Variants in ZYG11B observed in about 807,000 individuals in gnomAD.
ZYG11B encodes the protein protein zyg-11 homolog B.
A neutral mutation model predicts 82.4 loss-of-function variants in ZYG11B; 36 were observed. The ratio of observed to expected loss-of-function variants is 0.44; its 90% CI spans 0.33 to 0.58. The LOEUF (loss-of-function observed/expected upper bound fraction) is 0.58, where lower values mean the gene tolerates loss of function less well. ZYG11B is among the 20% of genes least tolerant of loss of function. The pLI, the probability that ZYG11B is intolerant of heterozygous loss-of-function variation, is 0.02. For missense variants in ZYG11B, 552 were observed against 895.6 expected, an observed-to-expected ratio of 0.62 and a Z score of 4.90; for synonymous variants, 303 against 312.8, an observed-to-expected ratio of 0.97 and a Z score of 0.33.
intron 1 of ZYG11B, among the ~76,000 whole-genome samples, chr1:52,749,697 G>A (rs1202825730): frequency 6.6e-6 from 1 of 151,690 alleles, no homozygotes; most frequent in African/African-American, 2.4e-5. Flanking sequence ...TCCGCCTCCC[G>A]GGTTGCCACC....
chr1:52,772,320 A>T lies in ZYG11B; in HGVS notation c.951+546A>T. The T allele has an allele frequency of 3.5e-6, 5 of 1,421,096 alleles. No homozygotes were observed. The Admixed American group carries it at 6.7e-5, about 19-fold the overall frequency. 88.0% of individuals were successfully genotyped at this position (1,421,096 alleles called of 1,614,324 possible). A position where few individuals can be genotyped will look rare whatever the true frequency, so the allele number is the denominator to read the frequency against. On this transcript the variant is annotated intron_variant, in intron 3 of 13. Coordinates refer to ENST00000294353, the MANE Select transcript of ZYG11B (RefSeq NM_024646.3). ...CTATCAGAATCAGATGGAATTTAGC[A>T]TCCTTATCCTTTCTGTTCCTCTCAA...
Position 52,776,229 on chromosome 1 carries a change from A to AAAAAAAAAAAAAAAAAAAATATATAT in ZYG11B, c.952-3623_952-3622insAAAAAAAAAAAAAAAAAATATATATA. ...AGCAAAACTCTGTCTTAAAAAAAAA[A>AAAAAAAAAAAAAAAAAAAATATATAT]ATATATATATATATATGCAATAAAG... On this transcript the variant is annotated intron_variant, in intron 3 of 13. Transcript: ENST00000294353. Among the ~76,000 whole-genome samples the AAAAAAAAAAAAAAAAAAAATATATAT allele has an allele frequency of 1.2e-3, 28 of 23,516 alleles. 1 individual carries two copies. Among genetic ancestry groups the AAAAAAAAAAAAAAAAAAAATATATAT allele is most frequent in the African/African-American group, 2.6e-3 (27 of 10,524 alleles). 15.4% of individuals were successfully genotyped at this position (23,516 alleles called of 152,430 possible).
intron 8 of ZYG11B, among the ~76,000 whole-genome samples, chr1:52,800,211 G>T (rs922246694): frequency 1.8e-4 from 27 of 150,866 alleles, no homozygotes; most frequent in Admixed American, 2.0e-4. Context: ...GGGAGTTCAA[G>T]TCTACAGCGA....
intron 3 of ZYG11B, among the ~76,000 whole-genome samples, chr1:52,776,219 T>TAAAAAAAA (rs1165031214): frequency 2.4e-4 from 10 of 42,498 alleles, no homozygotes; most frequent in Middle Eastern, 0.013. Flanking sequence ...AACTCTGTCT[T>TAAAAAAAA]AAAAAAAAAA....
intron 6 of ZYG11B, among the ~76,000 whole-genome samples, chr1:52,790,556 C>CT (rs2149950997): frequency 6.6e-6 from 1 of 151,976 alleles, no homozygotes; most frequent in Non-Finnish European, 1.5e-5. Context: ...CCTGTCTCTA[C>CT]TAAAGATACA....
At chr1:52,784,543 G>A (rs996953670) in intron 4 of ZYG11B, among the ~76,000 whole-genome samples, 10 of 152,156 alleles carry the variant, frequency 6.6e-5, no homozygotes, top group African/African-American at 1.9e-4. Context: ...AGAGTGGAGT[G>A]TGCTCTATTC....
At chr1:52,745,223 T>C (rs1644466015) in intron 1 of ZYG11B, among the ~76,000 whole-genome samples, 1 of 152,170 alleles carries the variant, frequency 6.6e-6, no homozygotes, top group Admixed American at 6.6e-5. Context: ...TACCTCTAGT[T>C]GAGTGTTGTG....
At chr1:52,813,013 G>T (rs982498070) in intron 10 of ZYG11B, among the ~76,000 whole-genome samples, 2 of 152,098 alleles carry the variant, frequency 1.3e-5, no homozygotes, top group African/African-American at 4.8e-5. Context: ...TTAGAGTGGC[G>T]TCTTATCAGA....
chr1:52,751,348 TAGCC>T (rs1644522536), intron 1 of ZYG11B, among the ~76,000 whole-genome samples: 1 of 92,504 alleles, frequency 1.1e-5, no homozygotes, highest in African/African-American at 4.3e-5. Flanking sequence ...AAAAAAAAAA[TAGCC>T]AGCGCGGTGG....
intron 4 of ZYG11B, 92 bp downstream of exon 4, chr1:52,780,085 CTTTT>C (rs369349726): frequency 2.3e-6 from 3 of 1,282,000 alleles, no homozygotes; most frequent in Non-Finnish European, 1.1e-6. Flanking sequence ...TGCATTTAGT[CTTTT>C]TTTATTATTT....
intron 8 of ZYG11B, among the ~76,000 whole-genome samples, chr1:52,797,225 A>C (rs1302216512): frequency 1.2e-5 from 1 of 84,568 alleles, no homozygotes; most frequent in Non-Finnish European, 2.0e-5. Context: ...ATAAATATAT[A>C]TTATATAATA....
At chr1:52,746,523 G>A (rs1644477423) in intron 1 of ZYG11B, among the ~76,000 whole-genome samples, 1 of 151,832 alleles carries the variant, frequency 6.6e-6, no homozygotes. Context: ...GAGTGATAAA[G>A]GGACTTCCCT....
intron 13 of ZYG11B, among the ~76,000 whole-genome samples, chr1:52,819,738 A>G (rs927475847): frequency 1.3e-5 from 2 of 150,524 alleles, no homozygotes; most frequent in African/African-American, 2.4e-5. Context: ...GTGAGCCGAG[A>G]TCGCACCACT....
chr1:52,730,256 CAGAT>C (rs1644319320), intron 1 of ZYG11B, among the ~76,000 whole-genome samples: 1 of 152,178 alleles, frequency 6.6e-6, no homozygotes, highest in Non-Finnish European at 1.5e-5. Context: ...GGGGAAATGA[CAGAT>C]AGTAAAATAG....
intron 1 of ZYG11B, among the ~76,000 whole-genome samples, chr1:52,738,125 A>G (rs929089817): frequency 1.1e-4 from 16 of 152,356 alleles, no homozygotes; most frequent in African/African-American, 3.8e-4. Context: ...AGAGAGTAGA[A>G]TGTTTAAACT....
chr1:52,757,389 C>A (rs2149930371), intron 2 of ZYG11B, among the ~76,000 whole-genome samples: 1 of 152,068 alleles, frequency 6.6e-6, no homozygotes, highest in South Asian at 2.1e-4. Context: ...AAATACCTTA[C>A]ATCGGGCCGG....
intron 1 of ZYG11B, among the ~76,000 whole-genome samples, chr1:52,729,203 A>G (rs559612511): frequency 3.5e-4 from 54 of 152,230 alleles, no homozygotes; most frequent in Non-Finnish European, 6.3e-4. Context: ...TCTCTTTTAT[A>G]AGGGCACTAA....
At chr1:52,801,763 C>G in intron 8 of ZYG11B, 56 bp from the exon 9 acceptor site, 1 of 1,431,742 alleles carries the variant, frequency 7.0e-7, no homozygotes, top group Non-Finnish European at 9.4e-7. Flanking sequence ...TTAATCACCA[C>G]AAATTGTAAT....
intron 5 of ZYG11B, among the ~76,000 whole-genome samples, chr1:52,785,475 T>G (rs2149948450): frequency 6.6e-6 from 1 of 152,302 alleles, no homozygotes; most frequent in South Asian, 2.1e-4. Flanking sequence ...TTTTTGTTTT[T>G]TAAACAGAGT....
Sources: gnomAD v4.1 joint callset for allele counts (sites outside exome capture counted in the v4.1 genomes callset) on GRCh38, gnomAD v4.1.1 for gene constraint, MANE v1.5 for transcripts, NCBI Gene and HGNC (gene_info 2026-07-23, HGNC 2026-07-21) for gene names.